Variants in BAZ1B observed in about 807,000 individuals in gnomAD.
The protein encoded by BAZ1B is bromodomain adjacent to zinc finger domain 1B, also known as tyrosine-protein kinase BAZ1B.
Under a neutral mutation model 153.8 loss-of-function variants are expected in BAZ1B, and 22 were observed. The ratio of observed to expected loss-of-function variants is 0.14; its 90% CI spans 0.10 to 0.20. The LOEUF (loss-of-function observed/expected upper bound fraction) is 0.20, where lower values mean the gene tolerates loss of function less well. Among genes scored for constraint, BAZ1B ranks in the 10% least tolerant of loss-of-function variants. The probability of loss-of-function intolerance (pLI) is 1.00; values close to 1 mark genes in which losing one functional copy is unlikely to be tolerated. For synonymous variants in BAZ1B, 676 were observed against 633.4 expected, an observed-to-expected ratio of 1.07 and a Z score of -1.01; for missense variants, 1,325 against 1,799.3, an observed-to-expected ratio of 0.74 and a Z score of 4.77.
Position 73,477,840 on chromosome 7 carries a change from C to T in BAZ1B, c.1621G>A (p.Glu541Lys), listed in dbSNP as rs1554573091. 6.2e-7 allele frequency: 1 copy of T among 1,613,852 alleles called. No homozygotes were observed. ...TTTTTCAAATATTCTTTCCGTTGTT[C>T]TTCAGACATAGAAGCCCACCTCTTT... ...HKKRWASMSE[E>K]QRKEYLKKKR... The change falls in exon 7 of 20, where the codon GAA becomes AAA. Residue 541 changes from glutamate (E) to lysine (K), a missense_variant. Physicochemically the swap from Glu to Lys is moderately conservative, Grantham distance 56. Transcript: ENST00000339594. This position sits in a 1 kb window ranked among gnomAD's most constrained non-coding sequence, Gnocchi z 5.6.
At chr7:73,493,622 CCT>C (rs1400341285) in intron 4 of BAZ1B, among the ~76,000 whole-genome samples, 3 of 151,968 alleles carry the variant, frequency 2.0e-5, no homozygotes, top group Admixed American at 6.6e-5. Flanking sequence ...AGGCAGATCC[CCT>C]GAGTCCAGGA....
In BAZ1B at chr7:73,502,365, T is replaced by C. The variant is rs544076929; in HGVS notation, c.370-3667A>G. Among the ~76,000 whole-genome samples the C allele has an allele frequency of 2.0e-5, 3 of 152,170 alleles. 1 individual carries two copies. The South Asian group carries it at 6.2e-4, about 32-fold the overall frequency. ...AATGTCCATCATATCTACTTTTTTT[T>C]TTATCACACTTAGAGTGCAAAACAT... On this transcript the variant is annotated intron_variant, in intron 3 of 19. Coordinates refer to ENST00000339594, the MANE Select transcript of BAZ1B (RefSeq NM_032408.4).
intron 14 of BAZ1B, 137 bp from the exon 15 acceptor site, chr7:73,449,826 G>T: frequency 1.2e-6 from 1 of 860,614 alleles, no homozygotes. Flanking sequence ...TTGTTGCTTT[G>T]TAAATGCAGG....
At chr7:73,445,011 T>C (rs1388654500) in intron 16 of BAZ1B, among the ~76,000 whole-genome samples, 2 of 116,070 alleles carry the variant, frequency 1.7e-5, no homozygotes, top group African/African-American at 7.0e-5. Flanking sequence ...TGTAACTCCA[T>C]CTCACAAAAG....
chr7:73,510,660 C>T (rs1450630823), intron 2 of BAZ1B, 76 bp downstream of exon 2: 9 of 1,367,676 alleles, frequency 6.6e-6, no homozygotes, highest in African/African-American at 1.4e-5. Context: ...AATACACATA[C>T]TGCTTTAGGG....
intron 16 of BAZ1B, among the ~76,000 whole-genome samples, chr7:73,446,782 A>C (rs1009156639): frequency 6.6e-6 from 1 of 152,144 alleles, no homozygotes; most frequent in African/African-American, 2.4e-5. Flanking sequence ...GCCTTCAAAT[A>C]ATCAGTCGTC....
chr7:73,485,657 TAAAC>T (rs1554574388), intron 6 of BAZ1B, among the ~76,000 whole-genome samples: 1 of 149,566 alleles, frequency 6.7e-6, no homozygotes, highest in East Asian at 1.9e-4. Flanking sequence ...GAGAGAATGA[TAAAC>T]AAATATGATA....
intron 5 of BAZ1B, among the ~76,000 whole-genome samples, chr7:73,492,229 C>T (rs1031964694): frequency 1.3e-5 from 2 of 152,100 alleles, no homozygotes; most frequent in Non-Finnish European, 2.9e-5. Context: ...GTGGCGTGAT[C>T]TCCACTCACT....
In BAZ1B at chr7:73,502,333, C is replaced by T. The variant is rs970337019; in HGVS notation, c.370-3635G>A. On this transcript the variant is annotated intron_variant, in intron 3 of 19. Transcript: ENST00000339594. ...CTATATTGGGACAATGTTTGTGGCA[C>T]GCTTCCAATGTCCATCATATCTACT... is the stretch of plus-strand genomic sequence containing the variant. 7.2e-5 allele frequency among the ~76,000 whole-genome samples: 11 copies of T among 152,002 alleles called. No homozygotes were observed. In the South Asian group the frequency reaches 1.9e-3, roughly 26 times the overall value.
rs782196472 is a variant in BAZ1B at position 73,510,864 on chromosome 7, AG to A, written c.108-13del. 6.2e-7 allele frequency: 1 copy of A among 1,610,564 alleles called. No homozygotes were observed. The highest frequency in any genetic ancestry group is 1.1e-5 in the South Asian group (1 of 90,984). ...GGGCTTCATACTCTCTGTTGGCAGTAGTTCAGGAAAACAATATGCAAGCAAC... is the reference window on the plus strand; with the variant it reads ...GGGCTTCATACTCTCTGTTGGCAGTATTCAGGAAAACAATATGCAAGCAAC... On this transcript the variant is annotated splice_polypyrimidine_tract_variant and intron_variant, in intron 1 of 19. Coordinates refer to ENST00000339594, the MANE Select transcript of BAZ1B (RefSeq NM_032408.4).
intron 9 of BAZ1B, among the ~76,000 whole-genome samples, chr7:73,466,952 GAT>G (rs1432152557): frequency 1.3e-5 from 2 of 152,104 alleles, no homozygotes; most frequent in Non-Finnish European, 2.9e-5. Context: ...TGTTTTTTGA[GAT>G]AGAGTCTCGC....
chr7:73,466,907 C>G (rs1554571260), intron 9 of BAZ1B, among the ~76,000 whole-genome samples: 1 of 152,066 alleles, frequency 6.6e-6, no homozygotes, highest in Admixed American at 6.6e-5. Flanking sequence ...TATCTTAGAT[C>G]ATCACAATAT....
chr7:73,510,441 C>A (rs1339473220), intron 2 of BAZ1B, among the ~76,000 whole-genome samples: 4 of 151,996 alleles, frequency 2.6e-5, no homozygotes, highest in African/African-American at 9.7e-5. Flanking sequence ...AAAGAAAAAG[C>A]AAAAAAGAAT....
At chr7:73,461,141 A>G (rs1407333075) in intron 12 of BAZ1B, among the ~76,000 whole-genome samples, 1 of 151,930 alleles carries the variant, frequency 6.6e-6, no homozygotes, top group Non-Finnish European at 1.5e-5. Context: ...ATACCCAGCT[A>G]ATTTTTGTAT....
intron 3 of BAZ1B, among the ~76,000 whole-genome samples, chr7:73,504,642 C>T (rs112821334): frequency 9.3e-5 from 14 of 151,220 alleles, no homozygotes; most frequent in African/African-American, 3.4e-4. Context: ...CCAGCCTGGG[C>T]GACAGAGCGA....
At chr7:73,456,273 A>G (rs1788194841) in intron 13 of BAZ1B, among the ~76,000 whole-genome samples, 1 of 152,216 alleles carries the variant, frequency 6.6e-6, no homozygotes, top group Non-Finnish European at 1.5e-5. Flanking sequence ...ATGACACCAA[A>G]AGTGGAGGCA....
At position 73,448,079 on chromosome 7, in the gene BAZ1B, C is replaced by A. The variant is rs538120514; in HGVS notation, c.3729-700G>T. 3.3e-5 allele frequency among the ~76,000 whole-genome samples: 5 copies of A among 152,106 alleles called. No individual in the cohort carries two copies. In the East Asian group the frequency reaches 9.6e-4, roughly 29 times the overall value. On this transcript the variant is annotated intron_variant, in intron 15 of 19. Coordinates refer to ENST00000339594, the MANE Select transcript of BAZ1B (RefSeq NM_032408.4). ...CAGCACTTTGGGAGGCTGAGGCAGGCGGATCACCTAAGGTCGGGAGTTCGA... is the reference window on the plus strand; with the variant it reads ...CAGCACTTTGGGAGGCTGAGGCAGGAGGATCACCTAAGGTCGGGAGTTCGA...
chr7:73,457,748 A>G (rs1415234144), intron 13 of BAZ1B, among the ~76,000 whole-genome samples: 1 of 152,130 alleles, frequency 6.6e-6, no homozygotes, highest in Non-Finnish European at 1.5e-5. Flanking sequence ...AGATGATTAG[A>G]AGACTGGAAT....
At chr7:73,489,098 T>TA (rs1583926766) in intron 6 of BAZ1B, 96 bp downstream of exon 6, 10 of 1,278,718 alleles carry the variant, frequency 7.8e-6, no homozygotes, top group African/African-American at 4.5e-5. Context: ...TATCTGATGT[T>TA]AGAGTTCAAA....
Sources: gnomAD v4.1 joint callset for allele counts (sites outside exome capture counted in the v4.1 genomes callset) on GRCh38, gnomAD v4.1.1 for gene constraint, Gnocchi (gnomAD v3.1) non-coding constraint, MANE v1.5 for transcripts, NCBI Gene and HGNC (gene_info 2026-07-23, HGNC 2026-07-21) for gene names.